The following RIMS2 variants were observed in gnomAD, a reference collection of about 807,000 sequenced individuals.
RIMS2 encodes regulating synaptic membrane exocytosis protein 2.
RIMS2 carries 59 observed loss-of-function variants against 174.4 expected under a neutral mutation model. The ratio of observed to expected loss-of-function variants is 0.34; its 90% confidence interval spans 0.27 to 0.42. RIMS2 has a LOEUF of 0.42. Ranked by LOEUF, RIMS2 falls within the 10% of genes least tolerant of loss-of-function variation. The pLI is 1.00. For synonymous variants in RIMS2, 606 were observed against 572.5 expected (o/e 1.06, Z -0.84); for missense variants, 1,620 against 1,666.3 (o/e 0.97, Z 0.48).
chr8:103,602,238 C>T lies in RIMS2; in HGVS notation c.177-94848C>T, dbSNP rs540700070. 8.5e-5 allele frequency among the ~76,000 whole-genome samples: 13 copies of T among 152,242 alleles called. No homozygotes were observed. In the South Asian group the frequency reaches 1.5e-3, roughly 17 times the overall value. Reference sequence around the variant, plus strand: ...TCCTGACCTCATGATCCGCCCGCCTCGGCCTCCCAAAGTACTGGGATTACA... The same window carrying T: ...TCCTGACCTCATGATCCGCCCGCCTTGGCCTCCCAAAGTACTGGGATTACA... On this transcript the variant is annotated intron_variant, in intron 1 of 23. Coordinates refer to ENST00000504942, the Ensembl canonical transcript of RIMS2.
intron 3 of RIMS2, among the ~76,000 whole-genome samples, chr8:103,841,048 A>G (rs1035522408): frequency 6.6e-6 from 1 of 152,190 alleles, no homozygotes; most frequent in African/African-American, 2.4e-5. Flanking sequence ...AGCACAGGGT[A>G]TTTTCATGGA....
intron 3 of RIMS2, among the ~76,000 whole-genome samples, chr8:103,771,811 A>G (rs1406201420): frequency 6.6e-6 from 1 of 152,148 alleles, no homozygotes; most frequent in Non-Finnish European, 1.5e-5. Context: ...ATGCAGGATT[A>G]TCTCCATTCA....
chr8:104,202,192 C>A (rs1378423988), intron 19 of RIMS2, among the ~76,000 whole-genome samples: 1 of 152,064 alleles, frequency 6.6e-6, no homozygotes, highest in Non-Finnish European at 1.5e-5. Context: ...TTTGTTTAAA[C>A]TGAAAGCATG....
intron 19 of RIMS2, among the ~76,000 whole-genome samples, chr8:104,143,411 A>G (rs944445989): frequency 5.9e-5 from 9 of 152,198 alleles, no homozygotes; most frequent in African/African-American, 1.9e-4. Flanking sequence ...TTTCCTGCAA[A>G]GAACATGCAA....
At chr8:104,047,336 AACTCTGTGTCC>A (rs1353150494) in intron 19 of RIMS2, among the ~76,000 whole-genome samples, 1 of 152,108 alleles carries the variant, frequency 6.6e-6, no homozygotes, top group Non-Finnish European at 1.5e-5. Flanking sequence ...CACCCACCTT[AACTCTGTGTCC>A]TAAAAATTTC....
chr8:103,975,132 T>G (rs943576044), intron 15 of RIMS2, among the ~76,000 whole-genome samples: 1 of 152,306 alleles, frequency 6.6e-6, no homozygotes, highest in South Asian at 2.1e-4. Flanking sequence ...GCCTTGGATA[T>G]AGTAACTGTC....
chr8:104,081,096 A>C (rs1020533704), intron 19 of RIMS2, among the ~76,000 whole-genome samples: 1 of 151,940 alleles, frequency 6.6e-6, no homozygotes, highest in African/African-American at 2.4e-5. Context: ...AAAACTTACT[A>C]CCTCAATATA....
chr8:103,840,042 C>T lies in RIMS2; in HGVS notation c.699-45256C>T, dbSNP rs560764074. The stretch of plus-strand genomic sequence containing the variant: ...GGTGGAAAGCTAATGTGAAGCTTAC[C>T]GCTTTCTCAAGAATCTCAGCCTTAT... On this transcript the variant is annotated intron_variant, in intron 3 of 23. Coordinates refer to ENST00000504942, the Ensembl canonical transcript of RIMS2. Among the ~76,000 whole-genome samples, 6 of 152,244 alleles carry T rather than the reference C, an allele frequency of 3.9e-5. No homozygotes were observed. The East Asian group carries it at 7.7e-4, about 20-fold the overall frequency.
intron 2 of RIMS2, among the ~76,000 whole-genome samples, chr8:103,748,610 T>C (rs1207275172): frequency 1.3e-5 from 2 of 152,284 alleles, no homozygotes; most frequent in Non-Finnish European, 2.9e-5. Flanking sequence ...CAAATTTCAT[T>C]ACTATTTCAC....
chr8:103,960,236 C>A (rs573825869), intron 14 of RIMS2, among the ~76,000 whole-genome samples: 1 of 152,126 alleles, frequency 6.6e-6, no homozygotes, highest in South Asian at 2.1e-4. Flanking sequence ...AGCGTGTAGT[C>A]ACAATCTACT....
intron 19 of RIMS2, among the ~76,000 whole-genome samples, chr8:104,238,738 T>A (rs1348761862): frequency 6.6e-6 from 1 of 152,186 alleles, no homozygotes; most frequent in Non-Finnish European, 1.5e-5. Context: ...TACCCAAGAT[T>A]GCTTCCTAAA....
intron 19 of RIMS2, among the ~76,000 whole-genome samples, chr8:104,166,085 G>C (rs63583162): frequency 1.8e-4 from 2 of 11,156 alleles, no homozygotes; most frequent in Non-Finnish European, 4.0e-4. Flanking sequence ...TTTTTTTTTT[G>C]AGACAGAGTC....
intron 1 of RIMS2, among the ~76,000 whole-genome samples, chr8:103,696,202 A>C (rs2097098790): frequency 6.6e-6 from 1 of 152,028 alleles, no homozygotes; most frequent in Non-Finnish European, 1.5e-5. Flanking sequence ...GTTTATTTAT[A>C]TTTGCCTCAG....
intron 19 of RIMS2, among the ~76,000 whole-genome samples, chr8:104,202,468 G>A (rs1006780394): frequency 7.2e-5 from 11 of 152,206 alleles, no homozygotes; most frequent in African/African-American, 2.7e-4. Flanking sequence ...ACTTTATCTT[G>A]AAGCATACTT....
chr8:103,877,024 G>A (rs914630260), intron 3 of RIMS2, among the ~76,000 whole-genome samples: 92 of 150,454 alleles, frequency 6.1e-4, no homozygotes, highest in African/African-American at 2.1e-3. Context: ...AAACATGCAC[G>A]TGCAAGTACC....
chr8:103,880,492 T>G (rs1378478121), intron 3 of RIMS2: 1 of 378,536 alleles, frequency 2.6e-6, no homozygotes, highest in Non-Finnish European at 4.7e-6. Flanking sequence ...GTTGTTTTTG[T>G]GTAATTTTTT....
chr8:103,540,334 C>G (rs953182612), intron 1 of RIMS2, among the ~76,000 whole-genome samples: 1 of 152,212 alleles, frequency 6.6e-6, no homozygotes. Flanking sequence ...ACTGAAGACT[C>G]CAGTCCTTGC....
Position 104,055,603 on chromosome 8 carries a change from C to T in RIMS2, c.3334+40988C>T, listed in dbSNP as rs1017102457. ...TTTTCATTTTAAAATTTAGTTTACC[C>T]TCAAAATATATCTTGTTTTTTCAAA... On this transcript the variant is annotated intron_variant, in intron 19 of 23. Coordinates refer to ENST00000504942, the Ensembl canonical transcript of RIMS2. 3.9e-5 allele frequency among the ~76,000 whole-genome samples: 6 copies of T among 152,080 alleles called. 1 individual carries two copies. Among genetic ancestry groups the T allele is most frequent in the Admixed American group, 1.3e-4 (2 of 15,260 alleles).
chr8:103,953,211 G>A (rs886707864), intron 14 of RIMS2, among the ~76,000 whole-genome samples: 26 of 151,496 alleles, frequency 1.7e-4, no homozygotes, highest in African/African-American at 6.0e-4. Flanking sequence ...TCCCCAGCCT[G>A]GCAAGGCAGG....
Sources: allele counts gnomAD v4.1 joint callset (sites outside exome capture counted in the v4.1 genomes callset), GRCh38; gene constraint gnomAD v4.1.1; transcripts MANE v1.5; gene names NCBI Gene and HGNC (gene_info 2026-07-23, HGNC 2026-07-21).